The following WDFY4 variants were observed in gnomAD, a reference collection of about 807,000 sequenced individuals.
WDFY4 encodes WDFY family member 4.
Under a neutral mutation model 351.9 loss-of-function variants are expected in WDFY4, and 169 were observed. The ratio of observed to expected loss-of-function variants is 0.48; its 90% CI spans 0.42 to 0.55. WDFY4 has a LOEUF of 0.55. Ranked by LOEUF, WDFY4 falls within the 20% of genes least tolerant of loss-of-function variation. The probability of loss-of-function intolerance (pLI) is 0.00; values close to 1 mark genes in which losing one functional copy is unlikely to be tolerated. For synonymous variants in WDFY4, 1,622 were observed against 1,574.6 expected, an observed-to-expected ratio of 1.03 and a Z score of -0.71; for missense variants, 3,803 against 3,935.6, an observed-to-expected ratio of 0.97 and a Z score of 0.90.
chr10:48,696,141 G>A (rs2063324915), intron 1 of WDFY4, among the ~76,000 whole-genome samples: 1 of 152,196 alleles, frequency 6.6e-6, no homozygotes. Flanking sequence ...CCTGGGCCCT[G>A]CCATTCTCTG....
rs1165971121 is a variant in WDFY4 at position 48,789,870 on chromosome 10, C to G, written c.3955-4C>G. The G allele has an allele frequency of 3.2e-6, 5 of 1,552,378 alleles. No homozygotes were observed. The highest frequency in any genetic ancestry group is 3.5e-6 in the Non-Finnish European group (4 of 1,147,080). The stretch of plus-strand genomic sequence containing the variant: ...TTAGGACTAATTGCTGCTCATTTCT[C>G]TAGATGAACATTTCATCCCGTGACA... On this transcript the variant is annotated splice_region_variant and splice_polypyrimidine_tract_variant and intron_variant, in intron 21 of 61. Transcript: ENST00000325239.
intron 51 of WDFY4, among the ~76,000 whole-genome samples, chr10:48,951,932 T>A (rs1365887736): frequency 6.6e-6 from 1 of 152,154 alleles, no homozygotes; most frequent in Non-Finnish European, 1.5e-5. Flanking sequence ...GAAACAGAGA[T>A]AAAGTGCTGT....
intron 8 of WDFY4, 64 bp downstream of exon 8, chr10:48,729,653 G>A (rs2064387908): frequency 6.6e-7 from 1 of 1,523,898 alleles, no homozygotes; most frequent in Non-Finnish European, 8.9e-7. Flanking sequence ...AGGCTACAGA[G>A]GGTCTTCTCC....
chr10:48,747,834 GT>G (rs1248829513), intron 12 of WDFY4, among the ~76,000 whole-genome samples: 2 of 152,134 alleles, frequency 1.3e-5, no homozygotes, highest in African/African-American at 2.4e-5. Context: ...ATCATGGAAG[GT>G]CCCTTGTATG....
At chr10:48,876,997 C>T (rs1484460457) in intron 42 of WDFY4, 36 bp from the exon 43 acceptor site, 1 of 1,440,742 alleles carries the variant, frequency 6.9e-7, no homozygotes, top group African/African-American at 1.5e-5. Flanking sequence ...TCAGGTGGCT[C>T]CTGTCAACAC....
At chr10:48,794,515 A>C (rs1333399699) in intron 23 of WDFY4, among the ~76,000 whole-genome samples, 2 of 152,146 alleles carry the variant, frequency 1.3e-5, no homozygotes, top group African/African-American at 4.8e-5. Flanking sequence ...CATCGCCACC[A>C]TGATGATATT....
At chr10:48,891,447 G>A (rs11101550) in intron 44 of WDFY4, among the ~76,000 whole-genome samples, 1,979 of 152,348 alleles carry the variant, frequency 0.013, 35 homozygotes, top group African/African-American at 0.045. Context: ...AATTGACTGA[G>A]CTTTTGCCAA....
Position 48,832,674 on chromosome 10 carries a change from G to A in WDFY4, c.6628G>A (p.Gly2210Arg), listed in dbSNP as rs1464714988. The part of the protein sequence containing the change: ...SLSSAMKLMP[G>R]RQAKDPECKT... ...GTCCTCAGCCATGAAGCTGATGCCC[G>A]GGCGGCAGGCCAAGGACCCTGAGTG... Residue 2210 changes from glycine to arginine, a missense_variant, in exon 39 of 62, where the codon GGG (glycine) becomes AGG (arginine). Transcript: ENST00000325239. 6.5e-6 allele frequency: 10 copies of A among 1,550,224 alleles called. No homozygotes were observed. The Admixed American group carries it at 7.9e-5, about 12-fold the overall frequency.
In WDFY4 at chr10:48,729,303, A is replaced by G. The variant is rs1289376948; in HGVS notation, c.972-129A>G. 6 of 1,350,362 alleles carry G rather than the reference A, an allele frequency of 4.4e-6. No individual in the cohort carries two copies. The East Asian group carries it at 1.5e-4, about 34-fold the overall frequency. 83.6% of individuals were successfully genotyped at this position (1,350,362 alleles called of 1,614,324 possible). On this transcript the variant is annotated intron_variant, in intron 7 of 61. Coordinates refer to ENST00000325239, the MANE Select transcript of WDFY4 (RefSeq NM_001394531.1). ...CGCTCCCTTGCCTCTGAATTGCCTCAGGTGCAGACCTGTGGGGTCTTCCCC... is the reference window on the plus strand; with the variant it reads ...CGCTCCCTTGCCTCTGAATTGCCTCGGGTGCAGACCTGTGGGGTCTTCCCC...
At chr10:48,948,773 T>C (rs947232590) in intron 51 of WDFY4, among the ~76,000 whole-genome samples, 1 of 152,278 alleles carries the variant, frequency 6.6e-6, no homozygotes, top group Non-Finnish European at 1.5e-5. Flanking sequence ...GATCAATCAC[T>C]GTTAGTTCCC....
chr10:48,751,230 G>A (rs2065172119), intron 12 of WDFY4, among the ~76,000 whole-genome samples: 1 of 152,228 alleles, frequency 6.6e-6, no homozygotes, highest in Non-Finnish European at 1.5e-5. Context: ...GGCGTTCCTG[G>A]ATGAGGAGAC....
chr10:48,847,071 G>C (rs962083705), intron 39 of WDFY4, among the ~76,000 whole-genome samples: 2 of 152,144 alleles, frequency 1.3e-5, no homozygotes, highest in African/African-American at 2.4e-5. Flanking sequence ...CCCCAGCCAG[G>C]GTGGCATAAA....
chr10:48,976,833 C>T lies in WDFY4; in HGVS notation c.9145C>T (p.Leu3049=). 1 of 1,514,860 alleles carries T rather than the reference C, an allele frequency of 6.6e-7. No homozygotes were observed. The highest frequency in any genetic ancestry group is 1.4e-5 in the African/African-American group (1 of 71,806). 93.8% of individuals were successfully genotyped at this position (1,514,860 alleles called of 1,614,324 possible). A position where few individuals can be genotyped will look rare whatever the true frequency, so the allele number is the denominator to read the frequency against. The change falls in exon 59 of 62, where the codon CTG becomes TTG. Residue 3049 remains leucine (L), a synonymous_variant. Transcript: ENST00000325239. ...CTCCTGTGCGGGAGCACACTTGTCCCTGTGGAATGTCAATGGACAGCCCCT... is the reference window on the plus strand; with the variant it reads ...CTCCTGTGCGGGAGCACACTTGTCCTTGTGGAATGTCAATGGACAGCCCCT... ...IVSCAGAHLS[L]WNVNGQPLAS... is the part of the protein sequence containing the mutation.
At chr10:48,966,802 C>A in intron 55 of WDFY4, 129 bp downstream of exon 55, 1 of 1,269,176 alleles carries the variant, frequency 7.9e-7, no homozygotes, top group Non-Finnish European at 1.1e-6. Flanking sequence ...ATGGCTGCAT[C>A]TCCAGTCACA....
intron 24 of WDFY4, among the ~76,000 whole-genome samples, chr10:48,802,161 G>A (rs2067108270): frequency 6.6e-6 from 1 of 151,776 alleles, no homozygotes. Context: ...GAACACTTGA[G>A]CCCAAGAATT....
chr10:48,978,586 A>G lies in WDFY4; in HGVS notation c.9376+193A>G, dbSNP rs976240010. ...GCAGACTATCCTCACACCTGCTGCC[A>G]TCACAGCCACAACGGCCTCAGAATA... is the stretch of plus-strand genomic sequence containing the variant. On this transcript the variant is annotated intron_variant, in intron 60 of 61. Coordinates refer to ENST00000325239, the MANE Select transcript of WDFY4 (RefSeq NM_001394531.1). 7.2e-5 allele frequency among the ~76,000 whole-genome samples: 11 copies of G among 152,224 alleles called. No homozygotes were observed. The South Asian group carries it at 2.1e-3, about 29-fold the overall frequency.
At chr10:48,897,176 C>T (rs531087268) in intron 44 of WDFY4, among the ~76,000 whole-genome samples, 42 of 152,344 alleles carry the variant, frequency 2.8e-4, no homozygotes, top group African/African-American at 1.0e-3. Context: ...ATATTGCTGT[C>T]CCCTGGCCTG....
chr10:48,956,995 G>C, intron 51 of WDFY4, 134 bp from the exon 52 acceptor site: 1 of 1,200,888 alleles, frequency 8.3e-7, no homozygotes, highest in East Asian at 2.6e-5. Context: ...GGGCTGATGG[G>C]TACACGTGTG....
At chr10:48,785,936 C>G (rs933721601) in intron 19 of WDFY4, among the ~76,000 whole-genome samples, 1 of 152,138 alleles carries the variant, frequency 6.6e-6, no homozygotes. Context: ...CTGATCAACT[C>G]GAGGGGAAAT....
Sources: gnomAD v4.1 joint callset for allele counts (sites outside exome capture counted in the v4.1 genomes callset) on GRCh38, gnomAD v4.1.1 for gene constraint, MANE v1.5 for transcripts, NCBI Gene and HGNC (gene_info 2026-07-23, HGNC 2026-07-21) for gene names.